Variants in PUS10 observed in about 807,000 individuals in gnomAD.
PUS10 encodes pseudouridine synthase 10.
In PUS10, 59 loss-of-function variants were observed where a neutral mutation model predicts 75.0. That is an observed-to-expected ratio of 0.79 (90% CI 0.64 to 0.98). PUS10 has a LOEUF of 0.98. PUS10 is among the 50% of genes least tolerant of loss of function. PUS10 has a pLI of 0.00. For synonymous variants in PUS10, 219 were observed against 211.6 expected (o/e 1.03, Z -0.30); for missense variants, 650 against 614.4 (o/e 1.06, Z -0.61).
intron 4 of PUS10, among the ~76,000 whole-genome samples, chr2:60,982,077 A>G (rs1473717044): frequency 6.6e-6 from 1 of 151,954 alleles, no homozygotes; most frequent in Non-Finnish European, 1.5e-5. Flanking sequence ...CATCTCCATT[A>G]AAAAAATAAA....
At chr2:61,010,695 A>G in intron 2 of PUS10, 1 of 1,357,180 alleles carries the variant, frequency 7.4e-7, no homozygotes, top group Non-Finnish European at 1.0e-6. Flanking sequence ...TGAGGTGGGT[A>G]TTATCATCAT....
chr2:60,965,728 T>C (rs1050236897), intron 6 of PUS10: 5 of 304,152 alleles, frequency 1.6e-5, no homozygotes, highest in African/African-American at 8.7e-5. Context: ...TTAAAATAAA[T>C]GTGTATACTT....
At chr2:60,993,670 T>A (rs535718564) in intron 4 of PUS10, among the ~76,000 whole-genome samples, 40 of 152,126 alleles carry the variant, frequency 2.6e-4, no homozygotes, top group Non-Finnish European at 5.3e-4. Flanking sequence ...TGTATTAATA[T>A]CAGTGAGGAA....
rs1345474343 is a variant in PUS10, at chr2:60,997,803, ACTAAT to A, written c.468+8749_468+8753del. 2.6e-5 allele frequency among the ~76,000 whole-genome samples: 4 copies of A among 152,266 alleles called. No individual in the cohort carries two copies. In the East Asian group the frequency reaches 7.7e-4, roughly 29 times the overall value. ...ATATAGGAACTGAAGGGAGTTCTAAACTAATCTAACCAAAAATAGGGCTATAAATT... is the reference window on the plus strand; with the variant it reads ...ATATAGGAACTGAAGGGAGTTCTAAACTAACCAAAAATAGGGCTATAAATT... On this transcript the variant is annotated intron_variant, in intron 4 of 17. Transcript: ENST00000316752.
At chr2:60,985,233 T>TA (rs1230144498) in intron 4 of PUS10, among the ~76,000 whole-genome samples, 3 of 152,306 alleles carry the variant, frequency 2.0e-5, no homozygotes, top group Middle Eastern at 3.4e-3. Context: ...TTTAAAGTGT[T>TA]ACATAGTATA....
At chr2:60,995,620 G>A (rs1678405565) in intron 4 of PUS10, among the ~76,000 whole-genome samples, 1 of 151,940 alleles carries the variant, frequency 6.6e-6, no homozygotes. Context: ...AATTAATGGA[G>A]GAAAAATAGT....
At chr2:60,974,961 G>A (rs1300173216) in intron 4 of PUS10, among the ~76,000 whole-genome samples, 1 of 152,216 alleles carries the variant, frequency 6.6e-6, no homozygotes, top group African/African-American at 2.4e-5. Context: ...TCCAGCTGGC[G>A]AAGCAACACC....
chr2:60,982,701 T>C (rs891245003), intron 4 of PUS10, among the ~76,000 whole-genome samples: 1 of 152,240 alleles, frequency 6.6e-6, no homozygotes, highest in Non-Finnish European at 1.5e-5. Context: ...TTGTTAAAAT[T>C]TTCAAAGCGT....
chr2:60,960,913 G>T (rs1675992657), intron 10 of PUS10, among the ~76,000 whole-genome samples: 1 of 150,934 alleles, frequency 6.6e-6, no homozygotes, highest in South Asian at 2.1e-4. Context: ...AGTAAGGCAG[G>T]TAGCTTTCAT....
intron 4 of PUS10, among the ~76,000 whole-genome samples, chr2:60,996,596 T>C (rs999208125): frequency 7.0e-6 from 1 of 143,158 alleles, no homozygotes; most frequent in Non-Finnish European, 1.5e-5. Context: ...TGGTATGGTT[T>C]AAAAAAAAAA....
intron 13 of PUS10, 26 bp downstream of exon 13, chr2:60,954,056 G>C (rs775647786): frequency 6.2e-7 from 1 of 1,611,044 alleles, no homozygotes; most frequent in African/African-American, 1.3e-5. Context: ...GAAACATGAC[G>C]ATTTCCATGG....
chr2:60,992,097 C>T lies in PUS10; in HGVS notation c.468+14460G>A, dbSNP rs62150967. Among the ~76,000 whole-genome samples, 1,121 of 151,982 alleles carry T rather than the reference C, an allele frequency of 7.4e-3. 13 individuals are homozygous for T. The highest frequency in any genetic ancestry group is 0.011 in the Non-Finnish European group (714 of 67,972). On this transcript the variant is annotated intron_variant, in intron 4 of 17. Coordinates refer to ENST00000316752, the MANE Select transcript of PUS10 (RefSeq NM_144709.4). ...TGCGATCTCAGCTAACTGCAACCTC[C>T]ACTTCCTGGGTTCAAGCGATTCTCC...
At chr2:61,005,071 G>A (rs531357357) in intron 4 of PUS10, among the ~76,000 whole-genome samples, 1 of 152,216 alleles carries the variant, frequency 6.6e-6, no homozygotes, top group East Asian at 1.9e-4. Flanking sequence ...CCTGACCAAC[G>A]TGGAGAAACC....
At chr2:60,965,844 T>C (rs781616599) in intron 6 of PUS10, 1 of 164,298 alleles carries the variant, frequency 6.1e-6, no homozygotes, top group Non-Finnish European at 1.3e-5. Context: ...ATACTATGAT[T>C]TGAATTATTA....
intron 10 of PUS10, 29 bp downstream of exon 10, chr2:60,961,434 G>A: frequency 6.6e-7 from 1 of 1,516,808 alleles, no homozygotes; most frequent in South Asian, 1.1e-5. Flanking sequence ...CGTTCACAGT[G>A]TATGTATATT....
rs2104365812 is a variant in PUS10, at chr2:60,964,965, C to G, written c.723+93G>C. 4.8e-6 allele frequency: 5 copies of G among 1,038,574 alleles called. No individual in the cohort carries two copies. The East Asian group carries it at 1.2e-4, about 25-fold the overall frequency. 64.3% of individuals were successfully genotyped at this position (1,038,574 alleles called of 1,614,324 possible). On this transcript the variant is annotated intron_variant, in intron 8 of 17. Transcript: ENST00000316752. Reference sequence around the variant, plus strand: ...CTGATTCTTAGTATAATAGAGTTGCCATGTTTCTGATGCATATCCTTTTTG... The same window carrying G: ...CTGATTCTTAGTATAATAGAGTTGCGATGTTTCTGATGCATATCCTTTTTG...
chr2:60,969,085 TC>T (rs1676509903), intron 5 of PUS10, among the ~76,000 whole-genome samples: 1 of 152,214 alleles, frequency 6.6e-6, no homozygotes, highest in Non-Finnish European at 1.5e-5. Context: ...CTGTTTACAT[TC>T]TGGAAAGTCC....
chr2:60,985,595 G>C (rs1256684341), intron 4 of PUS10, among the ~76,000 whole-genome samples: 2 of 151,948 alleles, frequency 1.3e-5, no homozygotes, highest in Admixed American at 1.3e-4. Flanking sequence ...CTGATTCCTG[G>C]GTTCAAGCGA....
intron 16 of PUS10, among the ~76,000 whole-genome samples, chr2:60,946,741 T>C (rs541412196): frequency 2.0e-5 from 3 of 151,924 alleles, no homozygotes; most frequent in Non-Finnish European, 4.4e-5. Context: ...TGCAGGCTGG[T>C]GGGGAAGGAC....
Sources: allele counts gnomAD v4.1 joint callset (sites outside exome capture counted in the v4.1 genomes callset), GRCh38; gene constraint gnomAD v4.1.1; transcripts MANE v1.5; gene names NCBI Gene and HGNC (gene_info 2026-07-23, HGNC 2026-07-21).